TTC27: variants seen among roughly 807,000 people sequenced by gnomAD.
TTC27 encodes tetratricopeptide repeat domain 27.
A neutral mutation model predicts 115.9 loss-of-function variants in TTC27; 79 were observed. The observed-to-expected ratio is 0.68, with a 90% CI of 0.57 to 0.82. The LOEUF is 0.82. Among genes scored for constraint, TTC27 ranks in the 40% least tolerant of loss-of-function variants. The probability of loss-of-function intolerance (pLI) is 0.00; values close to 1 mark genes in which losing one functional copy is unlikely to be tolerated. For missense variants in TTC27, 1,054 were observed against 993.1 expected (o/e 1.06, Z -0.82); for synonymous variants, 401 against 356.0 (o/e 1.13, Z -1.42).
intron 17 of TTC27, among the ~76,000 whole-genome samples, chr2:32,811,590 T>C (rs1000398529): frequency 6.6e-6 from 1 of 151,954 alleles, no homozygotes; most frequent in Non-Finnish European, 1.5e-5. Flanking sequence ...AGAGAAGGAG[T>C]ATTTAGATCT....
intron 12 of TTC27, among the ~76,000 whole-genome samples, chr2:32,737,839 C>CA (rs1305377865): frequency 1.3e-5 from 2 of 151,574 alleles, no homozygotes; most frequent in African/African-American, 2.4e-5. Flanking sequence ...CCCATCTCTA[C>CA]AAAAAAACAA....
At chr2:32,707,125 TA>T (rs994239038) in intron 10 of TTC27, among the ~76,000 whole-genome samples, 2 of 152,230 alleles carry the variant, frequency 1.3e-5, no homozygotes, top group African/African-American at 4.8e-5. Flanking sequence ...TGAGCCCTTT[TA>T]GCAGTTCTGA....
In TTC27 at chr2:32,630,665, C is replaced by G. The variant is rs1485136679; in HGVS notation, c.231C>G (p.Phe77Leu). 1 of 1,612,274 alleles carries G rather than the reference C, an allele frequency of 6.2e-7. No homozygotes were observed. The highest frequency in any genetic ancestry group is 1.1e-5 in the South Asian group (1 of 90,728). ...DSYLEKQVVT[F>L]LDYSTDLDTT... Reference sequence around the variant, plus strand: ...ACCTGGAGAAGCAGGTAGTAACATTCCTGGATTACTCAACAGATTTGGACA... The same window carrying G: ...ACCTGGAGAAGCAGGTAGTAACATTGCTGGATTACTCAACAGATTTGGACA... Residue 77 changes from phenylalanine to leucine, a missense_variant, in exon 2 of 20, where the codon TTC (phenylalanine) becomes TTG (leucine). By Grantham distance (22) the Phe-to-Leu change is conservative. Coordinates refer to ENST00000317907, the MANE Select transcript of TTC27 (RefSeq NM_017735.5).
intron 9 of TTC27, among the ~76,000 whole-genome samples, chr2:32,681,974 ATATATATGTGTG>A (rs1559203664): frequency 1.6e-5 from 1 of 62,322 alleles, no homozygotes; most frequent in Non-Finnish European, 3.4e-5. Flanking sequence ...ATATATATGT[ATATATATGTGTG>A]TGTGTGTGTG....
chr2:32,806,759 C>G (rs1020638412), intron 16 of TTC27, among the ~76,000 whole-genome samples: 1 of 151,744 alleles, frequency 6.6e-6, no homozygotes, highest in South Asian at 2.1e-4. Context: ...CCAGCTTGAC[C>G]GACAGCGAGA....
intron 13 of TTC27, among the ~76,000 whole-genome samples, chr2:32,763,264 T>C (rs17012217): frequency 0.13 from 20,239 of 152,214 alleles, 1,650 homozygotes; most frequent in African/African-American, 0.22. Flanking sequence ...CACTGTAGAC[T>C]CATTTTAACT....
At position 32,678,105 on chromosome 2, in the gene TTC27, A is replaced by G. The variant is rs181750390; in HGVS notation, c.1053-751A>G. On this transcript the variant is annotated intron_variant, in intron 8 of 19. Coordinates refer to ENST00000317907, the MANE Select transcript of TTC27 (RefSeq NM_017735.5). ...ACTCCATTTCTACAAAAATAGAAAA[A>G]TTAGCTGGGAATGGTGGCGTACGCC... is the stretch of plus-strand genomic sequence containing the variant. Among the ~76,000 whole-genome samples, 72 of 152,260 alleles carry G rather than the reference A, an allele frequency of 4.7e-4. 1 individual carries two copies. In the East Asian group the frequency reaches 6.6e-3, roughly 14 times the overall value.
rs372608560 is a variant in TTC27, at chr2:32,817,438, C to T, written c.2309-19C>T. ...TTAACACTTTTTAATGGATGTTTCT[C>T]TCCATACTTATCTTCCAGTGGCCAT... On this transcript the variant is annotated intron_variant, in intron 18 of 19. Transcript: ENST00000317907. 6.9e-6 allele frequency: 11 copies of T among 1,596,244 alleles called. No homozygotes were observed. Among genetic ancestry groups the T allele is most frequent in the African/African-American group, 1.3e-5 (1 of 74,492 alleles).
chr2:32,691,851 A>G (rs913695938), intron 9 of TTC27, among the ~76,000 whole-genome samples: 1 of 151,912 alleles, frequency 6.6e-6, no homozygotes, highest in Non-Finnish European at 1.5e-5. Context: ...ATGAGAGGTA[A>G]GAAATGAGAG....
At chr2:32,781,199 G>C (rs1488255721) in intron 14 of TTC27, among the ~76,000 whole-genome samples, 1 of 152,138 alleles carries the variant, frequency 6.6e-6, no homozygotes, top group Non-Finnish European at 1.5e-5. Flanking sequence ...CAGTCAGGCT[G>C]CTTTCATTTG....
intron 12 of TTC27, among the ~76,000 whole-genome samples, chr2:32,755,129 C>G (rs959635803): frequency 6.6e-6 from 1 of 152,012 alleles, no homozygotes; most frequent in African/African-American, 2.4e-5. Flanking sequence ...ATGCTCCTCA[C>G]TTTCCAGACT....
intron 13 of TTC27, among the ~76,000 whole-genome samples, chr2:32,766,274 A>G (rs1313404439): frequency 6.6e-6 from 1 of 152,170 alleles, no homozygotes; most frequent in Non-Finnish European, 1.5e-5. Context: ...CATGATGATC[A>G]CCTGATACAT....
chr2:32,650,100 T>C (rs751381067), intron 4 of TTC27, 31 bp from the exon 5 acceptor site: 50 of 1,557,396 alleles, frequency 3.2e-5, no homozygotes, highest in Non-Finnish European at 4.2e-5. Context: ...AAGTATCCTT[T>C]TATTTCAGCT....
At chr2:32,697,072 G>A (rs1667012102) in intron 9 of TTC27, among the ~76,000 whole-genome samples, 1 of 151,920 alleles carries the variant, frequency 6.6e-6, no homozygotes, top group African/African-American at 2.4e-5. Flanking sequence ...AGTGCCTGTA[G>A]CCCCAGTTAC....
intron 14 of TTC27, 96 bp downstream of exon 14, chr2:32,778,076 T>G (rs1054091128): frequency 8.7e-7 from 1 of 1,154,026 alleles, no homozygotes; most frequent in African/African-American, 1.5e-5. Context: ...CCTTTTGTGT[T>G]GGAGGAAAGT....
At chr2:32,798,066 C>T (rs960513384) in intron 16 of TTC27, among the ~76,000 whole-genome samples, 43 of 151,198 alleles carry the variant, frequency 2.8e-4, no homozygotes, top group Admixed American at 7.3e-4. Context: ...TGAGATACCA[C>T]CTTACACCCA....
chr2:32,701,585 T>G lies in TTC27; in HGVS notation c.1120-1222T>G, dbSNP rs568407333. ...AGAGTTAGTTGGTCTAGATTAGAGGTTAAAAATTCAAGTGCCTATAGGAGT... is the reference window on the plus strand; with the variant it reads ...AGAGTTAGTTGGTCTAGATTAGAGGGTAAAAATTCAAGTGCCTATAGGAGT... On this transcript the variant is annotated intron_variant, in intron 9 of 19. Coordinates refer to ENST00000317907, the MANE Select transcript of TTC27 (RefSeq NM_017735.5). 7.9e-5 allele frequency among the ~76,000 whole-genome samples: 12 copies of G among 152,124 alleles called. No individual in the cohort carries two copies. In the South Asian group the frequency reaches 2.3e-3, roughly 29 times the overall value.
intron 19 of TTC27, 44 bp from the exon 20 acceptor site, chr2:32,820,772 A>G (rs985227487): frequency 4.1e-5 from 61 of 1,477,370 alleles, no homozygotes; most frequent in Non-Finnish European, 5.4e-5. Flanking sequence ...TTTTAAAGAA[A>G]TTTGTGTTGT....
intron 16 of TTC27, among the ~76,000 whole-genome samples, chr2:32,799,657 T>C (rs1670854243): frequency 6.6e-6 from 1 of 152,158 alleles, no homozygotes; most frequent in Non-Finnish European, 1.5e-5. Context: ...AAGATATTTG[T>C]AACAAATAAG....
Sources: allele counts gnomAD v4.1 joint callset (sites outside exome capture counted in the v4.1 genomes callset), GRCh38; gene constraint gnomAD v4.1.1; transcripts MANE v1.5; gene names NCBI Gene and HGNC (gene_info 2026-07-23, HGNC 2026-07-21).